FIGN: variants seen among roughly 807,000 people sequenced by gnomAD.
The protein encoded by FIGN is fidgetin.
Under a neutral mutation model 51.3 loss-of-function variants are expected in FIGN, and 11 were observed. That is an observed-to-expected ratio of 0.21 (90% confidence interval 0.13 to 0.35). The LOEUF (loss-of-function observed/expected upper bound fraction) is 0.35. Among genes scored for constraint, FIGN ranks in the 10% least tolerant of loss-of-function variants. FIGN has a pLI of 1.00. For missense variants in FIGN, 857 were observed against 943.6 expected, an observed-to-expected ratio of 0.91 and a Z score of 1.20; for synonymous variants, 407 against 363.2, an observed-to-expected ratio of 1.12 and a Z score of -1.37.
At chr2:163,636,134 G>T (rs929646225) in intron 2 of FIGN, among the ~76,000 whole-genome samples, 1 of 152,092 alleles carries the variant, frequency 6.6e-6, no homozygotes, top group Non-Finnish European at 1.5e-5. Context: ...ATCAGTTCTG[G>T]GTTGCTTTAG....
intron 2 of FIGN, among the ~76,000 whole-genome samples, chr2:163,730,056 G>T (rs1213384003): frequency 6.6e-6 from 1 of 152,204 alleles, no homozygotes; most frequent in African/African-American, 2.4e-5. Context: ...GGTACTTACG[G>T]ATGTGCTGTA....
rs1684992835 is a variant in FIGN at position 163,735,003 on chromosome 2, C to T, written c.-76G>A. The stretch of plus-strand genomic sequence containing the variant: ...TCCAAAGGTTGCTTTTCATTAAAGC[C>T]ACTTTTCCTCTCAGCTATCAAATGT... On this transcript the variant is annotated 5_prime_UTR_variant, in exon 2 of 3. Coordinates refer to ENST00000333129, the MANE Select transcript of FIGN (RefSeq NM_018086.4). 6.7e-7 allele frequency: 1 copy of T among 1,485,320 alleles called. No homozygotes were observed. The highest frequency in any genetic ancestry group is 9.3e-7 in the Non-Finnish European group (1 of 1,072,776). The allele number at this position is 1,485,320 out of a possible 1,614,324, so 92.0% of individuals were successfully genotyped here.
rs1050833892 is a variant in FIGN, at chr2:163,735,054, C to A, written c.-127G>T. The A allele has an allele frequency of 3.6e-5, 30 of 837,044 alleles. No homozygotes were observed. The highest frequency in any genetic ancestry group is 5.3e-5 in the Non-Finnish European group (28 of 531,294). The allele number at this position is 837,044 out of a possible 1,614,324, so 51.9% of individuals were successfully genotyped here. On this transcript the variant is annotated 5_prime_UTR_variant, in exon 2 of 3. Transcript: ENST00000333129. Reference sequence around the variant, plus strand: ...CACTGCCTTGAAACGTGGGCCCTTTCGTCAGGTATTCATTTAACCTACATG... The same window carrying A: ...CACTGCCTTGAAACGTGGGCCCTTTAGTCAGGTATTCATTTAACCTACATG...
At chr2:163,720,805 C>T (rs894293698) in intron 2 of FIGN, among the ~76,000 whole-genome samples, 18 of 152,134 alleles carry the variant, frequency 1.2e-4, no homozygotes, top group Non-Finnish European at 1.9e-4. Context: ...CACGTGTGCA[C>T]GCATGCATGT....
At chr2:163,705,640 CTT>C (rs58661112) in intron 2 of FIGN, among the ~76,000 whole-genome samples, 4 of 145,426 alleles carry the variant, frequency 2.8e-5, no homozygotes, top group Admixed American at 6.9e-5. Context: ...TATTTTTTGT[CTT>C]TTTTTTTTTG....
intron 2 of FIGN, among the ~76,000 whole-genome samples, chr2:163,618,225 A>T (rs1682909870): frequency 6.6e-6 from 1 of 152,232 alleles, no homozygotes; most frequent in South Asian, 2.1e-4. Flanking sequence ...TAAAGTACTT[A>T]GAGGTTGAAG....
chr2:163,706,910 C>A (rs566516739), intron 2 of FIGN, among the ~76,000 whole-genome samples: 1 of 152,198 alleles, frequency 6.6e-6, no homozygotes, highest in Non-Finnish European at 1.5e-5. Context: ...AAGGTATAAA[C>A]AAACGATGAA....
intron 2 of FIGN, among the ~76,000 whole-genome samples, chr2:163,651,279 G>A (rs1384771090): frequency 1.3e-5 from 2 of 152,134 alleles, no homozygotes; most frequent in Admixed American, 6.5e-5. Flanking sequence ...TGGCTAACAC[G>A]GTGAAACCCC....
chr2:163,688,897 C>T (rs1263735925), intron 2 of FIGN, among the ~76,000 whole-genome samples: 1 of 152,078 alleles, frequency 6.6e-6, no homozygotes, highest in Non-Finnish European at 1.5e-5. Flanking sequence ...AGGCTGGGTG[C>T]AGTGGCTCAT....
intron 2 of FIGN, among the ~76,000 whole-genome samples, chr2:163,636,435 G>C (rs929739535): frequency 2.0e-5 from 3 of 152,120 alleles, no homozygotes; most frequent in African/African-American, 7.2e-5. Flanking sequence ...ACGGGCATGT[G>C]CCACCAAGCC....
intron 2 of FIGN, among the ~76,000 whole-genome samples, chr2:163,655,907 G>T (rs1683552826): frequency 6.6e-6 from 1 of 151,924 alleles, no homozygotes; most frequent in African/African-American, 2.4e-5. Context: ...ATATTCTGGA[G>T]GTACTTACAG....
At chr2:163,672,742 T>C (rs548629005) in intron 2 of FIGN, among the ~76,000 whole-genome samples, 1 of 152,330 alleles carries the variant, frequency 6.6e-6, no homozygotes, top group East Asian at 1.9e-4. Flanking sequence ...AACTTTAAAC[T>C]CTTCTGTTGT....
At chr2:163,712,583 A>C (rs1263194186) in intron 2 of FIGN, among the ~76,000 whole-genome samples, 1 of 152,198 alleles carries the variant, frequency 6.6e-6, no homozygotes, top group Non-Finnish European at 1.5e-5. Context: ...ACGAACACCT[A>C]AACTTTTTGA....
At chr2:163,692,939 A>C (rs1011042758) in intron 2 of FIGN, among the ~76,000 whole-genome samples, 1 of 152,234 alleles carries the variant, frequency 6.6e-6, no homozygotes, top group African/African-American at 2.4e-5. Context: ...ACCTTGATGC[A>C]ATAGGTGGTC....
chr2:163,695,602 A>C (rs1559023847), intron 2 of FIGN, among the ~76,000 whole-genome samples: 1 of 152,330 alleles, frequency 6.6e-6, no homozygotes, highest in African/African-American at 2.4e-5. Context: ...TCTGAAAATG[A>C]AAGACTATTA....
intron 2 of FIGN, among the ~76,000 whole-genome samples, chr2:163,725,532 G>C (rs1200118603): frequency 6.6e-6 from 1 of 151,958 alleles, no homozygotes; most frequent in African/African-American, 2.4e-5. Context: ...TTTTGCTGTA[G>C]TAGGGTAAAA....
chr2:163,661,516 C>T (rs916750125), intron 2 of FIGN, among the ~76,000 whole-genome samples: 3 of 152,106 alleles, frequency 2.0e-5, no homozygotes, highest in Non-Finnish European at 4.4e-5. Flanking sequence ...CCTGCCTCAG[C>T]CTCCCAAGTA....
rs1691055523 is a variant in FIGN, at chr2:163,604,936, C to CTCTTTTT, written c.*4615_*4616insAAAAAGA. On this transcript the variant is annotated 3_prime_UTR_variant, in exon 3 of 3. Transcript: ENST00000333129. The stretch of plus-strand genomic sequence containing the variant: ...TTTTAAGCCCAGAAATAAACTTTTG[C>CTCTTTTT]TTTTTTTTTTTTTTTTTTTGTATCA... The CTCTTTTT allele has an allele frequency of 3.2e-5, 3 of 94,258 alleles. No individual in the cohort carries two copies. The highest frequency in any genetic ancestry group is 5.6e-5 in the Non-Finnish European group (3 of 53,126). 5.8% of individuals were successfully genotyped at this position (94,258 alleles called of 1,614,324 possible).
At chr2:163,663,869 C>T (rs752124961) in intron 2 of FIGN, among the ~76,000 whole-genome samples, 19 of 150,360 alleles carry the variant, frequency 1.3e-4, no homozygotes, top group Non-Finnish European at 2.2e-4. Context: ...GAAACAAGAA[C>T]GAAACTCCAT....
Sources: allele counts gnomAD v4.1 joint callset (sites outside exome capture counted in the v4.1 genomes callset), GRCh38; gene constraint gnomAD v4.1.1; transcripts MANE v1.5; gene names NCBI Gene and HGNC (gene_info 2026-07-23, HGNC 2026-07-21).